The following UTP4 variants were observed in gnomAD, a reference collection of about 807,000 sequenced individuals.
The protein encoded by UTP4 is UTP4 small subunit processome component, also known as U3 small nucleolar RNA-associated protein 4 homolog.
A neutral mutation model predicts 82.4 loss-of-function variants in UTP4; 45 were observed. That is an observed-to-expected ratio of 0.55 (90% CI 0.43 to 0.70). The LOEUF (loss-of-function observed/expected upper bound fraction) is 0.70. UTP4 is among the 30% of genes least tolerant of loss of function. The pLI is 0.00. For missense variants in UTP4, 819 were observed against 858.3 expected, an observed-to-expected ratio of 0.95 and a Z score of 0.57; for synonymous variants, 348 against 300.3, an observed-to-expected ratio of 1.16 and a Z score of -1.64.
chr16:69,133,730 G>A, intron 2 of UTP4, 112 bp downstream of exon 2: 5 of 1,141,670 alleles, frequency 4.4e-6, no homozygotes, highest in Non-Finnish European at 6.5e-6. Context: ...TAGCCCCTCT[G>A]AAGTTGCTTA....
At chr16:69,164,448 T>C (rs1963645145) in intron 14 of UTP4, among the ~76,000 whole-genome samples, 1 of 151,954 alleles carries the variant, frequency 6.6e-6, no homozygotes, top group Non-Finnish European at 1.5e-5. Flanking sequence ...ATATACAGTG[T>C]TCTGAAGGTA....
chr16:69,161,972 TTTG>T (rs1355618362), intron 13 of UTP4, among the ~76,000 whole-genome samples: 1 of 148,992 alleles, frequency 6.7e-6, no homozygotes, highest in East Asian at 2.0e-4. Context: ...CAATAGGCCT[TTTG>T]TTTTTTTTTT....
Position 69,167,130 on chromosome 16 carries a change from C to G in UTP4, c.1889C>G (p.Ser630Ter). 1.9e-6 allele frequency: 3 copies of G among 1,614,018 alleles called. No homozygotes were observed. Among genetic ancestry groups the G allele is most frequent in the Non-Finnish European group, 1.7e-6 (2 of 1,179,896 alleles). ...LYNPFPPTNE[S>*]DVIRRRTAHA... is the part of the protein sequence containing the mutation. ...AATCCATTTCCTCCCACGAATGAAT[C>G]AGATGTCATCCGGAGGCGCACAGCT... The change falls in exon 16 of 17, where the codon TCA becomes TGA. Residue 630 changes from serine (S) to a stop codon, truncating the protein, a stop_gained. Coordinates refer to ENST00000314423, the MANE Select transcript of UTP4 (RefSeq NM_032830.3). LOFTEE classifies it high-confidence loss of function.
chr16:69,168,908 C>T lies in UTP4; in HGVS notation c.2032C>T (p.Pro678Ser), dbSNP rs1963771655. The T allele has an allele frequency of 1.2e-6, 2 of 1,613,622 alleles. No homozygotes were observed. The highest frequency in any genetic ancestry group is 2.2e-5 in the East Asian group (1 of 44,876). Reference protein sequence around the residue: ...LDDIIAQLPPPIKKKKFGT With the variant: ...LDDIIAQLPPSIKKKKFGT The stretch of plus-strand genomic sequence containing the variant: ...TGACATCATTGCTCAGCTCCCACCA[C>T]CCATTAAAAAGAAGAAATTTGGAAC... The change falls in exon 17 of 17, where the codon CCC becomes TCC. Residue 678 changes from proline (P) to serine (S), a missense_variant. Transcript: ENST00000314423.
chr16:69,143,134 G>A, intron 5 of UTP4, 44 bp from the exon 6 acceptor site: 1 of 1,598,298 alleles, frequency 6.3e-7, no homozygotes, highest in Non-Finnish European at 8.6e-7. Context: ...TTTGAAGACA[G>A]AGAAATAAGT....
rs1187432188 is a variant in UTP4, at chr16:69,167,171, T to C, written c.1930T>C (p.Ser644Pro). ...GCGCACAGCTCATGCTTTTAAAATT[T>C]CTAAGATATATAAGGTAAAACATCT... The part of the protein sequence containing the change: ...RRRTAHAFKI[S>P]KIYKPLLFMD... Residue 644 changes from serine to proline, a missense_variant, in exon 16 of 17, where the codon TCT (serine) becomes CCT (proline). Coordinates refer to ENST00000314423, the MANE Select transcript of UTP4 (RefSeq NM_032830.3). 1 of 1,605,804 alleles carries C rather than the reference T, an allele frequency of 6.2e-7. No homozygotes were observed. The highest frequency in any genetic ancestry group is 8.5e-7 in the Non-Finnish European group (1 of 1,172,382).
intron 6 of UTP4, among the ~76,000 whole-genome samples, chr16:69,147,371 G>A (rs1048739456): frequency 2.6e-5 from 4 of 151,664 alleles, no homozygotes; most frequent in East Asian, 1.9e-4. Context: ...TGGGCGTGGC[G>A]GTATGCGCCT....
At chr16:69,150,419 C>T in intron 6 of UTP4, 118 bp from the exon 7 acceptor site, 2 of 1,127,408 alleles carry the variant, frequency 1.8e-6, no homozygotes, top group South Asian at 1.2e-5. Context: ...TTGTAACTTT[C>T]CTACTGATTC....
In UTP4 at chr16:69,163,112, C is replaced by T; in HGVS notation, c.1581C>T (p.Phe527=). 1 of 1,614,082 alleles carries T rather than the reference C, an allele frequency of 6.2e-7. No homozygotes were observed. The highest frequency in any genetic ancestry group is 8.5e-7 in the Non-Finnish European group (1 of 1,179,986). Residue 527 remains phenylalanine, a synonymous_variant, in exon 14 of 17, where the codon TTC becomes TTT. Transcript: ENST00000314423. ...KLHCTVPAYN[F]PVTAMAIAPN... Reference sequence around the variant, plus strand: ...ACTGCACGGTGCCTGCTTACAATTTCCCAGTGACTGCTATGGCTATTGCCC... The same window carrying T: ...ACTGCACGGTGCCTGCTTACAATTTTCCAGTGACTGCTATGGCTATTGCCC...
At chr16:69,160,299 C>A in intron 12 of UTP4, 57 bp from the exon 13 acceptor site, 4 of 1,330,830 alleles carry the variant, frequency 3.0e-6, no homozygotes, top group Non-Finnish European at 4.3e-6. Flanking sequence ...ATCTCCAGGG[C>A]AGGTCTGGCT....
chr16:69,133,505 C>A lies in UTP4; in HGVS notation c.46C>A (p.Pro16Thr). The change falls in exon 2 of 17, where the codon CCA (proline) becomes ACA (threonine). Residue 16 changes from proline (P) to threonine (T), a missense_variant. Coordinates refer to ENST00000314423, the MANE Select transcript of UTP4 (RefSeq NM_032830.3). ...TCGAGTACGTTTCTTTAATTATGTT[C>A]CATCAGGAATCCGCTGTGTGGCTTA... ...VHRVRFFNYV[P>T]SGIRCVAYNN... is the part of the protein sequence containing the mutation. 1.2e-6 allele frequency: 2 copies of A among 1,614,168 alleles called. No individual in the cohort carries two copies. Among genetic ancestry groups the A allele is most frequent in the Non-Finnish European group, 1.7e-6 (2 of 1,180,018 alleles).
At chr16:69,141,271 C>G (rs896012708) in intron 5 of UTP4, among the ~76,000 whole-genome samples, 1 of 152,234 alleles carries the variant, frequency 6.6e-6, no homozygotes, top group African/African-American at 2.4e-5. Flanking sequence ...CTTTGCTTCT[C>G]TATCGGATAG....
chr16:69,138,998 T>G (rs1962887727), intron 4 of UTP4: 2 of 147,974 alleles, frequency 1.4e-5, no homozygotes, highest in Admixed American at 6.8e-5. Context: ...AGATGGAGTC[T>G]TGCTTTGTCG....
At chr16:69,138,046 C>G in intron 4 of UTP4, 161 bp downstream of exon 4, 2 of 644,154 alleles carry the variant, frequency 3.1e-6, no homozygotes, top group Non-Finnish European at 2.8e-6. Flanking sequence ...CAGGCTTTAC[C>G]CATTGTATAG....
intron 16 of UTP4, among the ~76,000 whole-genome samples, chr16:69,168,074 A>G (rs1295036023): frequency 1.3e-5 from 2 of 152,190 alleles, no homozygotes; most frequent in Admixed American, 1.3e-4. Flanking sequence ...TATAAGAAGC[A>G]TAGATTTTCT....
At chr16:69,150,288 G>A (rs770639882) in intron 6 of UTP4, among the ~76,000 whole-genome samples, 12 of 152,174 alleles carry the variant, frequency 7.9e-5, no homozygotes, top group Non-Finnish European at 1.8e-4. Context: ...GGAGATCTAT[G>A]TTGGGTATAT....
intron 6 of UTP4, among the ~76,000 whole-genome samples, chr16:69,145,445 G>A (rs1366537559): frequency 6.6e-6 from 1 of 152,064 alleles, no homozygotes; most frequent in East Asian, 1.9e-4. Context: ...AATTGTAGTA[G>A]AGACTGGGTT....
At chr16:69,155,826 T>C (rs759361792) in intron 10 of UTP4, 45 bp from the exon 11 acceptor site, 2 of 1,612,980 alleles carry the variant, frequency 1.2e-6, no homozygotes, top group Non-Finnish European at 1.7e-6. Flanking sequence ...CACCTTGTTA[T>C]GTGAAGTTTA....
intron 12 of UTP4, among the ~76,000 whole-genome samples, chr16:69,157,505 TGTTAGCAGAACAAGAAGAAA>T (rs1963451028): frequency 6.6e-6 from 1 of 152,218 alleles, no homozygotes; most frequent in Admixed American, 6.5e-5. Context: ...ATCCTTAGTT[TGTTAGCAGAACAAGAAGAAA>T]GTTAAAGTCA....
Sources: allele counts gnomAD v4.1 joint callset (sites outside exome capture counted in the v4.1 genomes callset), GRCh38; gene constraint gnomAD v4.1.1; transcripts MANE v1.5; gene names NCBI Gene and HGNC (gene_info 2026-07-23, HGNC 2026-07-21).